Variants in SATB2 observed in about 807,000 individuals in gnomAD.
The protein encoded by SATB2 is DNA-binding protein SATB2.
SATB2 carries 1 observed loss-of-function variant against 73.4 expected under a neutral mutation model. The observed-to-expected ratio is 0.01, with a 90% CI of 0.00 to 0.06. The LOEUF is 0.06. Ranked by LOEUF, SATB2 falls within the 10% of genes least tolerant of loss-of-function variation. The pLI is 1.00. For missense variants in SATB2, 459 were observed against 945.8 expected (o/e 0.49, Z 6.75); for synonymous variants, 397 against 367.0 (o/e 1.08, Z -0.93).
intron 6 of SATB2, among the ~76,000 whole-genome samples, chr2:199,358,970 G>A (rs1316850879): frequency 2.0e-5 from 3 of 151,872 alleles, no homozygotes; most frequent in African/African-American, 7.3e-5. Flanking sequence ...TTCTACATAG[G>A]TTAAAACTGC....
At chr2:199,458,894 T>A (rs1461545586), upstream of SATB2, 1 of 307,422 alleles carries the variant, frequency 3.3e-6, no homozygotes, top group Non-Finnish European at 6.3e-6. Context: ...GAAGGCCGCT[T>A]CTCCTTCAAA....
intron 3 of SATB2, among the ~76,000 whole-genome samples, chr2:199,382,284 T>C (rs890490570): frequency 2.7e-4 from 41 of 152,208 alleles, no homozygotes; most frequent in African/African-American, 8.4e-4. Flanking sequence ...CGATTCCCAG[T>C]GCGAACAGCA....
chr2:199,316,798 T>C (rs1687747685), intron 9 of SATB2, among the ~76,000 whole-genome samples: 1 of 152,074 alleles, frequency 6.6e-6, no homozygotes, highest in Admixed American at 6.5e-5. Flanking sequence ...CACACATACA[T>C]GCATACATGG....
chr2:199,301,282 A>AAG (rs1340129948), intron 10 of SATB2, among the ~76,000 whole-genome samples: 3 of 152,104 alleles, frequency 2.0e-5, no homozygotes, highest in Non-Finnish European at 4.4e-5. Flanking sequence ...TTAAAAAAGA[A>AAG]GTCATATGAA....
intron 10 of SATB2, among the ~76,000 whole-genome samples, chr2:199,283,162 C>T (rs1032779026): frequency 6.6e-6 from 1 of 150,954 alleles, no homozygotes; most frequent in Non-Finnish European, 1.5e-5. Flanking sequence ...CGGCTCACTG[C>T]AAGCTCCGCC....
intron 10 of SATB2, among the ~76,000 whole-genome samples, chr2:199,303,739 G>A (rs1435056134): frequency 6.6e-6 from 1 of 152,100 alleles, no homozygotes. Flanking sequence ...CCAATGACAG[G>A]GAGTCTGTGG....
Position 199,335,963 on chromosome 2 carries a change from G to A in SATB2, c.1174-7053C>T, listed in dbSNP as rs1688323756. ...TGAGTAGATACAACAGAGCATTCTTGAAGCCAAAACAGTCTGTGTTCCCTT... is the reference window on the plus strand; with the variant it reads ...TGAGTAGATACAACAGAGCATTCTTAAAGCCAAAACAGTCTGTGTTCCCTT... On this transcript the variant is annotated intron_variant, in intron 7 of 10. Coordinates refer to ENST00000417098, the MANE Select transcript of SATB2 (RefSeq NM_001172509.2). Among the ~76,000 whole-genome samples the A allele has an allele frequency of 2.0e-5, 3 of 152,130 alleles. No homozygotes were observed. The East Asian group carries it at 5.8e-4, about 29-fold the overall frequency.
At position 199,464,631 on chromosome 2, in the gene SATB2, G is replaced by A. The variant is rs1192918339; in HGVS notation, c.-141+205C>T. Among the ~76,000 whole-genome samples, 1 of 152,172 alleles carries A rather than the reference G, an allele frequency of 6.6e-6. No homozygotes were observed. The highest frequency in any genetic ancestry group is 1.5e-5 in the Non-Finnish European group (1 of 68,022). ...GCGCTCCGGCCGGGTCGCAGGGGCC[G>A]GTGCCCAGCGGGCCGGGGTCTGGCG... On this transcript the variant is annotated intron_variant, in intron 1 of 11. Coordinates refer to the SATB2 transcript ENST00000260926. The surrounding 1 kb of genome is among the most constrained non-coding windows in gnomAD (Gnocchi z 6.6).
chr2:199,328,193 T>C (rs1688084117), intron 8 of SATB2, among the ~76,000 whole-genome samples: 1 of 152,142 alleles, frequency 6.6e-6, no homozygotes, highest in Non-Finnish European at 1.5e-5. Flanking sequence ...TAGTATGGGA[T>C]CATATATGGT....
At chr2:199,276,750 CT>C (rs1274148327) in intron 10 of SATB2, among the ~76,000 whole-genome samples, 3 of 1,002 alleles carry the variant, frequency 3.0e-3, no homozygotes, top group Non-Finnish European at 8.4e-3. Flanking sequence ...CCAGCATTAC[CT>C]TTTTCCCTTT....
At position 199,271,942 on chromosome 2, in the gene SATB2, T is replaced by C. The variant is rs1692169828; in HGVS notation, c.*269A>G. On this transcript the variant is annotated 3_prime_UTR_variant, in exon 11 of 11. Coordinates refer to ENST00000417098, the MANE Select transcript of SATB2 (RefSeq NM_001172509.2). Reference sequence around the variant, plus strand: ...GATTATAATGACTATGATCCAGTCATAGAGACGGGATAAAGTGTAACGCTT... The same window carrying C: ...GATTATAATGACTATGATCCAGTCACAGAGACGGGATAAAGTGTAACGCTT... 4.0e-6 allele frequency: 2 copies of C among 501,508 alleles called. No individual in the cohort carries two copies. The highest frequency in any genetic ancestry group is 3.2e-5 in the Admixed American group (1 of 30,828). The allele number at this position is 501,508 out of a possible 1,614,324, so 31.1% of individuals were successfully genotyped here. A position where few individuals can be genotyped will look rare whatever the true frequency, so the allele number is the denominator to read the frequency against.
chr2:199,303,411 G>A (rs1048524280), intron 10 of SATB2, among the ~76,000 whole-genome samples: 2 of 152,130 alleles, frequency 1.3e-5, no homozygotes, highest in South Asian at 2.1e-4. Flanking sequence ...AGGAGAAGCA[G>A]CAGCAGTGTC....
intron 6 of SATB2, among the ~76,000 whole-genome samples, chr2:199,352,170 G>A (rs1235999128): frequency 6.6e-6 from 1 of 152,094 alleles, no homozygotes; most frequent in Non-Finnish European, 1.5e-5. Context: ...CACTGTACCT[G>A]GCCATCTATT....
rs1170007036 is a variant in SATB2 at position 199,463,851 on chromosome 2, G to A, written c.-141+985C>T. ...CCAAATTTCAGGCAGGCCAGCAGGC[G>A]TCCAGAAATCCGCTCCCACCCCTCG... On this transcript the variant is annotated intron_variant, in intron 1 of 11. Coordinates refer to the SATB2 transcript ENST00000260926. This position sits in a 1 kb window ranked among gnomAD's most constrained non-coding sequence, Gnocchi z 6.4. Among the ~76,000 whole-genome samples the A allele has an allele frequency of 6.6e-6, 1 of 152,206 alleles. No homozygotes were observed. Among genetic ancestry groups the A allele is most frequent in the African/African-American group, 2.4e-5 (1 of 41,458 alleles).
chr2:199,456,105 G>T lies in SATB2; in HGVS notation c.-59-9C>A. On this transcript the variant is annotated splice_polypyrimidine_tract_variant and intron_variant, in intron 1 of 10. Coordinates refer to ENST00000417098, the MANE Select transcript of SATB2 (RefSeq NM_001172509.2). ...ATAAAACGCACAGGGACCTAGGGAG[G>T]GGGTGGGGGGAGGAAGGGGGAGGGA... 8.0e-7 allele frequency: 1 copy of T among 1,252,242 alleles called. No homozygotes were observed. Among genetic ancestry groups the T allele is most frequent in the Non-Finnish European group, 1.1e-6 (1 of 891,028 alleles). 77.6% of individuals were successfully genotyped at this position (1,252,242 alleles called of 1,614,324 possible).
At chr2:199,424,095 A>G (rs1691256033) in intron 3 of SATB2, among the ~76,000 whole-genome samples, 1 of 152,222 alleles carries the variant, frequency 6.6e-6, no homozygotes. Context: ...AAAGAGGCAG[A>G]CAGATAGAGG....
chr2:199,331,605 G>C (rs1041001858), intron 7 of SATB2, among the ~76,000 whole-genome samples: 1 of 152,198 alleles, frequency 6.6e-6, no homozygotes, highest in East Asian at 1.9e-4. Context: ...TCACTGGTGG[G>C]CACAAGAAGA....
chr2:199,277,582 T>G (rs1464280318), intron 10 of SATB2, among the ~76,000 whole-genome samples: 1 of 152,222 alleles, frequency 6.6e-6, no homozygotes, highest in Non-Finnish European at 1.5e-5. Flanking sequence ...AATTCATTTC[T>G]GTAAAGAGAG....
chr2:199,286,885 C>CA lies in SATB2; in HGVS notation c.1741-14214dup, dbSNP rs34606797. Among the ~76,000 whole-genome samples the CA allele has an allele frequency of 3.4e-3, 521 of 151,318 alleles. 5 individuals carry two copies. The highest frequency in any genetic ancestry group is 0.01 in the Middle Eastern group (3 of 294). On this transcript the variant is annotated intron_variant, in intron 10 of 10. Coordinates refer to ENST00000417098, the MANE Select transcript of SATB2 (RefSeq NM_001172509.2). The stretch of plus-strand genomic sequence containing the variant: ...GTGACTTGCTTCATGGGTATAATTG[C>CA]AAAAAAAAGTGGCTTTTGCACCAGC...
Sources: gnomAD v4.1 joint callset for allele counts (sites outside exome capture counted in the v4.1 genomes callset) on GRCh38, gnomAD v4.1.1 for gene constraint, Gnocchi (gnomAD v3.1) non-coding constraint, MANE v1.5 for transcripts, NCBI Gene and HGNC (gene_info 2026-07-23, HGNC 2026-07-21) for gene names.